The following PCDH15 variants were observed in gnomAD, a reference collection of about 807,000 sequenced individuals.
PCDH15 encodes protocadherin-15.
PCDH15 carries 129 observed loss-of-function variants against 178.5 expected under a neutral mutation model. The observed-to-expected ratio is 0.72, with a 90% CI of 0.63 to 0.84. The LOEUF (loss-of-function observed/expected upper bound fraction) is 0.84. Among genes scored for constraint, PCDH15 ranks in the 40% least tolerant of loss-of-function variants. The pLI is 0.00. For missense variants in PCDH15, 2,230 were observed against 2,099.9 expected, an observed-to-expected ratio of 1.06 and a Z score of -1.21; for synonymous variants, 800 against 732.0, an observed-to-expected ratio of 1.09 and a Z score of -1.50.
At chr10:54,161,312 C>A (rs1349433640) in intron 13 of PCDH15, among the ~76,000 whole-genome samples, 1 of 152,124 alleles carries the variant, frequency 6.6e-6, no homozygotes, top group African/African-American at 2.4e-5. Flanking sequence ...AAGATACATA[C>A]TATGGGACTC....
chr10:54,029,423 T>C (rs2093225002), intron 18 of PCDH15, among the ~76,000 whole-genome samples: 1 of 152,206 alleles, frequency 6.6e-6, no homozygotes, highest in Admixed American at 6.5e-5. Flanking sequence ...CATCTGTCCA[T>C]GGTTAACACA....
chr10:55,557,865 TACTTAGTGGTCTGGGTATACAGAG>T (rs1842121124), intron 2 of PCDH15, among the ~76,000 whole-genome samples: 2 of 152,128 alleles, frequency 1.3e-5, no homozygotes, highest in South Asian at 4.1e-4. Context: ...TTTGGAGGTT[TACTTAGTGGTCTGGGTATACAGAG>T]ATTAAAGGGG....
intron 1 of PCDH15, among the ~76,000 whole-genome samples, chr10:54,687,511 T>C (rs1198887718): frequency 6.6e-6 from 1 of 152,138 alleles, no homozygotes; most frequent in Non-Finnish European, 1.5e-5. Context: ...TTTGGACTCT[T>C]TTGAATCTTA....
intron 1 of PCDH15, among the ~76,000 whole-genome samples, chr10:54,699,997 A>G (rs114321717): frequency 0.02 from 3,094 of 152,088 alleles, 92 homozygotes; most frequent in African/African-American, 0.069. Flanking sequence ...TAAAATCCTT[A>G]ACCTCTCCAT....
chr10:53,808,684 G>T, intron 37 of PCDH15: 1 of 1,609,854 alleles, frequency 6.2e-7, no homozygotes, highest in South Asian at 1.1e-5. Flanking sequence ...CACCTACTGT[G>T]ATCTCTTTCA....
intron 27 of PCDH15, 144 bp downstream of exon 27, chr10:53,866,498 T>C (rs1589155123): frequency 1.7e-6 from 1 of 588,690 alleles, no homozygotes; most frequent in South Asian, 1.7e-5. Flanking sequence ...TCCTAAACTA[T>C]AGTGACTAAC....
intron 3 of PCDH15, among the ~76,000 whole-genome samples, chr10:54,427,080 A>G (rs905388317): frequency 2.0e-5 from 3 of 151,656 alleles, no homozygotes; most frequent in African/African-American, 4.8e-5. Context: ...TCAAATTACC[A>G]TTTTTGTGAA....
At chr10:55,426,558 G>A (rs143564775) in intron 2 of PCDH15, among the ~76,000 whole-genome samples, 6 of 152,208 alleles carry the variant, frequency 3.9e-5, no homozygotes, top group East Asian at 1.9e-4. Context: ...TCTTTAGCTC[G>A]GCCGTCCATG....
intron 3 of PCDH15, among the ~76,000 whole-genome samples, chr10:54,488,022 T>A (rs2079251076): frequency 6.6e-6 from 1 of 151,998 alleles, no homozygotes; most frequent in African/African-American, 2.4e-5. Flanking sequence ...AGAAACTGTA[T>A]CCTTTTTCCT....
At chr10:54,753,901 T>TG (rs1214915766) in intron 1 of PCDH15, among the ~76,000 whole-genome samples, 3 of 39,410 alleles carry the variant, frequency 7.6e-5, no homozygotes, top group Non-Finnish European at 1.4e-4. Context: ...TGTGTTTTTT[T>TG]TTTTTTTTTT....
chr10:54,089,547 C>T (rs1021799644), intron 16 of PCDH15, among the ~76,000 whole-genome samples: 9 of 152,126 alleles, frequency 5.9e-5, no homozygotes, highest in Admixed American at 3.3e-4. Context: ...GGCATGAACA[C>T]GTATTTTATT....
chr10:54,000,006 C>T (rs965008000), intron 20 of PCDH15, among the ~76,000 whole-genome samples: 2 of 152,128 alleles, frequency 1.3e-5, no homozygotes, highest in Non-Finnish European at 2.9e-5. Flanking sequence ...AACAGAGACA[C>T]TCTGTCTGGG....
rs746402370 is a variant in PCDH15, at chr10:53,806,684, G to GTTCT, written c.5114_5117dup (p.Asn1706LysfsTer11). The GTTCT allele has an allele frequency of 2.5e-6, 4 of 1,613,796 alleles. No individual in the cohort carries two copies. The highest frequency in any genetic ancestry group is 3.4e-6 in the Non-Finnish European group (4 of 1,179,758). The stretch of plus-strand genomic sequence containing the variant: ...TATGAAATTCCAAAGCCTCCTTGAT[G>GTTCT]TTCTTACTGTCAATCATGGACTCCT... On this transcript the variant is annotated frameshift_variant, in exon 38 of 38. Coordinates refer to ENST00000644397, the MANE Select transcript of PCDH15 (RefSeq NM_001384140.1). LOFTEE classifies it high-confidence loss of function.
At chr10:54,388,620 C>T (rs1461602147) in intron 3 of PCDH15, among the ~76,000 whole-genome samples, 2 of 152,168 alleles carry the variant, frequency 1.3e-5, no homozygotes, top group South Asian at 2.1e-4. Context: ...CTGCTAGCTG[C>T]TTCTGAATGG....
chr10:53,909,894 T>C (rs1002667422), intron 25 of PCDH15, among the ~76,000 whole-genome samples: 1 of 152,204 alleles, frequency 6.6e-6, no homozygotes, highest in African/African-American at 2.4e-5. Flanking sequence ...CACGAAGCCT[T>C]GCTCACTGCT....
intron 2 of PCDH15, among the ~76,000 whole-genome samples, chr10:55,440,893 C>A (rs1306672857): frequency 6.6e-6 from 1 of 152,114 alleles, no homozygotes; most frequent in African/African-American, 2.4e-5. Context: ...GAGGACCAAG[C>A]AAAAGGGGTT....
intron 2 of PCDH15, among the ~76,000 whole-genome samples, chr10:55,157,047 T>C (rs1838908684): frequency 6.6e-6 from 1 of 152,130 alleles, no homozygotes; most frequent in Non-Finnish European, 1.5e-5. Context: ...CTGTATTCTG[T>C]GTGACAATTT....
chr10:54,380,725 T>TATATATACAC (rs1565132275), intron 3 of PCDH15, among the ~76,000 whole-genome samples: 6 of 94,166 alleles, frequency 6.4e-5, no homozygotes, highest in Admixed American at 1.1e-4. Flanking sequence ...TATATATATA[T>TATATATACAC]ATATATATAT....
intron 5 of PCDH15, among the ~76,000 whole-genome samples, chr10:54,347,774 C>T (rs1373131533): frequency 2.0e-5 from 3 of 152,082 alleles, no homozygotes; most frequent in Non-Finnish European, 4.4e-5. Flanking sequence ...ATATGGAGCC[C>T]ATGCTACCAA....
Sources: gnomAD v4.1 joint callset for allele counts (sites outside exome capture counted in the v4.1 genomes callset) on GRCh38, gnomAD v4.1.1 for gene constraint, MANE v1.5 for transcripts, NCBI Gene and HGNC (gene_info 2026-07-23, HGNC 2026-07-21) for gene names.